The following MSN variants were observed in gnomAD, a reference collection of about 807,000 sequenced individuals.
The protein encoded by MSN is moesin, also known as epididymis luminal protein 70.
MSN carries 2 observed loss-of-function variants against 48.0 expected under a neutral mutation model. That is an observed-to-expected ratio of 0.04 (90% CI 0.02 to 0.13). The LOEUF is 0.13. Among genes scored for constraint, MSN ranks in the 10% least tolerant of loss-of-function variants. The probability of loss-of-function intolerance (pLI) is 1.00; values close to 1 mark genes in which losing one functional copy is unlikely to be tolerated. For missense variants in MSN, 267 were observed against 470.1 expected (o/e 0.57, Z 3.99); for synonymous variants, 146 against 166.9 (o/e 0.87, Z 0.97).
intron 1 of MSN, among the ~76,000 whole-genome samples, chrX:65,702,068 A>T (rs895244724): frequency 4.8e-5 from 5 of 104,267 alleles, no homozygotes; most frequent in Admixed American, 1.0e-4. Flanking sequence ...GCTGCAGGAC[A>T]GTGGTGCAAT....
At chrX:65,667,645 G>T (rs758586670), upstream of MSN, 1 of 1,025,896 alleles carries the variant, frequency 9.7e-7, no homozygotes, top group South Asian at 3.1e-5. Context: ...CGGGCGGCGC[G>T]ACAGGGGCGG....
intron 1 of MSN, among the ~76,000 whole-genome samples, chrX:65,597,409 T>C (rs2070196101): frequency 9.1e-6 from 1 of 109,783 alleles, no homozygotes; most frequent in Admixed American, 9.8e-5. Context: ...TCCAGTGGTG[T>C]GATCACAGTT....
chrX:65,693,270 T>C (rs1165103152), intron 1 of MSN, among the ~76,000 whole-genome samples: 5 of 111,978 alleles, frequency 4.5e-5, no homozygotes. Context: ...AGCTCCTGGG[T>C]TCATTGATTT....
intron 1 of MSN, among the ~76,000 whole-genome samples, chrX:65,694,855 A>G (rs2071215459): frequency 1.8e-5 from 2 of 111,970 alleles, no homozygotes; most frequent in African/African-American, 6.5e-5. Context: ...AAAGGAGAAG[A>G]GGGACATGAG....
intron 2 of MSN, among the ~76,000 whole-genome samples, chrX:65,720,423 C>G (rs188841146): frequency 2.2e-4 from 25 of 112,208 alleles, no homozygotes; most frequent in Non-Finnish European, 4.5e-4. Context: ...GTCAGAGGGA[C>G]AGAGGTGGAC....
At chrX:65,727,672 C>G in intron 2 of MSN, 142 bp from the exon 3 acceptor site, 1 of 452,250 alleles carries the variant, frequency 2.2e-6, no homozygotes, top group Non-Finnish European at 3.8e-6. Context: ...GATTGCTGCT[C>G]AAGTATATTT....
At chrX:65,636,760 A>C (rs866045127) in intron 1 of MSN, among the ~76,000 whole-genome samples, 1,219 of 100,241 alleles carry the variant, frequency 0.012, 10 homozygotes, top group Middle Eastern at 0.02. Context: ...AAAAAAAAAA[A>C]AAAAAAAAAA....
chrX:65,708,595 G>T (rs966645711), intron 1 of MSN, among the ~76,000 whole-genome samples: 1 of 111,635 alleles, frequency 9.0e-6, no homozygotes, highest in Admixed American at 9.6e-5. Context: ...GCTTGGCGGG[G>T]TGTTTAACTT....
At chrX:65,674,324 G>T (rs763547197) in intron 1 of MSN, among the ~76,000 whole-genome samples, 1 of 111,648 alleles carries the variant, frequency 9.0e-6, no homozygotes, top group Admixed American at 9.5e-5. Context: ...ATTGAAAGGA[G>T]AACTTGGATT....
At chrX:65,660,378 C>A (rs1205779986) in intron 1 of MSN, among the ~76,000 whole-genome samples, 2 of 111,416 alleles carry the variant, frequency 1.8e-5, no homozygotes, top group African/African-American at 3.3e-5. Flanking sequence ...GATCTAGGAG[C>A]CTTTGGGCAG....
chrX:65,614,186 T>C (rs190998158), intron 1 of MSN, among the ~76,000 whole-genome samples: 2 of 111,519 alleles, frequency 1.8e-5, no homozygotes, highest in Non-Finnish European at 3.8e-5. Flanking sequence ...GTTGTAGATA[T>C]GTAGTTTTAT....
At chrX:65,596,330 A>C (rs1203426862) in intron 1 of MSN, among the ~76,000 whole-genome samples, 1 of 111,081 alleles carries the variant, frequency 9.0e-6, no homozygotes, top group African/African-American at 3.3e-5. Flanking sequence ...AATCCCCAGG[A>C]GGCTGGAATC....
At chrX:65,638,328 C>G (rs1340417984) in intron 1 of MSN, among the ~76,000 whole-genome samples, 1 of 111,937 alleles carries the variant, frequency 8.9e-6, no homozygotes, top group East Asian at 2.8e-4. Flanking sequence ...TGCTTAAGCT[C>G]CATCTTTTTG....
chrX:65,625,160 A>C (rs150718798), intron 1 of MSN: 8 of 112,723 alleles, frequency 7.1e-5, no homozygotes, highest in Non-Finnish European at 1.3e-4. Flanking sequence ...TCAATGTTTA[A>C]AAAATTTATT....
chrX:65,737,358 T>C lies in MSN; in HGVS notation c.1251+20T>C. ...CAGCTGGTAAAGCTGTAGGGTGGGC[T>C]GGGATTATGGGAACTGAACTTTCTT... is the stretch of plus-strand genomic sequence containing the variant. On this transcript the variant is annotated intron_variant, in intron 10 of 12. Coordinates refer to ENST00000360270, the MANE Select transcript of MSN (RefSeq NM_002444.3). 1 of 1,190,816 alleles carries C rather than the reference T, an allele frequency of 8.4e-7. No homozygotes were observed.
chrX:65,659,870 T>C (rs1312134015), intron 1 of MSN, among the ~76,000 whole-genome samples: 1 of 111,182 alleles, frequency 9.0e-6, no homozygotes, highest in Non-Finnish European at 1.9e-5. Context: ...CTAGAAACAC[T>C]GACATAAACC....
intron 1 of MSN, among the ~76,000 whole-genome samples, chrX:65,597,795 T>C (rs1602705803): frequency 8.9e-6 from 1 of 112,145 alleles, no homozygotes; most frequent in African/African-American, 3.2e-5. Flanking sequence ...TGGGCTTCAG[T>C]TTTCACATCT....
chrX:65,598,101 C>G (rs1331176427), intron 1 of MSN, among the ~76,000 whole-genome samples: 1 of 111,132 alleles, frequency 9.0e-6, no homozygotes, highest in East Asian at 2.8e-4. Flanking sequence ...TCAGGAAGCA[C>G]CAGAACTATT....
At chrX:65,697,214 G>T (rs1210028957) in intron 1 of MSN, among the ~76,000 whole-genome samples, 1 of 110,370 alleles carries the variant, frequency 9.1e-6, no homozygotes, top group Non-Finnish European at 1.9e-5. Flanking sequence ...GTGGGGGGTT[G>T]GGGACATCCT....
Sources: allele counts gnomAD v4.1 joint callset (sites outside exome capture counted in the v4.1 genomes callset), GRCh38; gene constraint gnomAD v4.1.1; transcripts MANE v1.5; gene names NCBI Gene and HGNC (gene_info 2026-07-23, HGNC 2026-07-21).